The following MCTP2 variants were observed in gnomAD, a reference collection of about 807,000 sequenced individuals.
MCTP2 encodes multiple C2 and transmembrane domain-containing protein 2.
A neutral mutation model predicts 111.6 loss-of-function variants in MCTP2; 132 were observed. The ratio of observed to expected loss-of-function variants is 1.18; its 90% CI spans 1.03 to 1.37. The LOEUF is 1.37. Ranked by LOEUF, MCTP2 falls within the 40% of genes most tolerant of loss-of-function variation. The pLI, the probability that MCTP2 is intolerant of heterozygous loss-of-function variation, is 0.00. For missense variants in MCTP2, 1,183 were observed against 1,067.9 expected (o/e 1.11, Z -1.50); for synonymous variants, 395 against 387.7 (o/e 1.02, Z -0.22).
At chr15:94,245,697 AAT>A (rs1270146336) in intron 1 of MCTP2, among the ~76,000 whole-genome samples, 129 of 143,704 alleles carry the variant, frequency 9.0e-4, no homozygotes, top group East Asian at 1.2e-3. Context: ...TACATATATA[AAT>A]ATATGTGTGT....
At chr15:94,309,191 T>C (rs1482371169) in intron 2 of MCTP2, among the ~76,000 whole-genome samples, 2 of 152,240 alleles carry the variant, frequency 1.3e-5, no homozygotes, top group African/African-American at 4.8e-5. Flanking sequence ...TATCACTGTG[T>C]CCAGTTGCTG....
intron 1 of MCTP2, among the ~76,000 whole-genome samples, chr15:94,243,160 T>G (rs1014336288): frequency 4.1e-5 from 6 of 148,130 alleles, no homozygotes; most frequent in African/African-American, 1.5e-4. Flanking sequence ...TACGTGTGTG[T>G]ATATACATAC....
At chr15:94,385,780 T>C (rs2080431456) in intron 14 of MCTP2, among the ~76,000 whole-genome samples, 1 of 152,250 alleles carries the variant, frequency 6.6e-6, no homozygotes, top group South Asian at 2.1e-4. Context: ...TCAATTCATT[T>C]TCAGTCTTCC....
chr15:94,410,915 T>G (rs3784645), intron 17 of MCTP2, among the ~76,000 whole-genome samples: 1 of 152,080 alleles, frequency 6.6e-6, no homozygotes, highest in Non-Finnish European at 1.5e-5. Flanking sequence ...TTCTTGTCTG[T>G]TATGCATTTT....
intron 4 of MCTP2, among the ~76,000 whole-genome samples, chr15:94,319,095 C>T (rs866442424): frequency 2.0e-5 from 3 of 151,140 alleles, no homozygotes; most frequent in Admixed American, 6.6e-5. Flanking sequence ...AAGAAAATAC[C>T]CCACTCTTTC....
In MCTP2 at chr15:94,406,004, G is replaced by A. The variant is rs1050007972; in HGVS notation, c.2085+3985G>A. On this transcript the variant is annotated intron_variant, in intron 17 of 22. Coordinates refer to ENST00000357742, the MANE Select transcript of MCTP2 (RefSeq NM_001385001.1). ...TAGAACTGAAATATTTTGCCTTGAA[G>A]TAAGTGCACCTGTATATTTCCCTAT... Among the ~76,000 whole-genome samples, 4 of 152,134 alleles carry A rather than the reference G, an allele frequency of 2.6e-5. No individual in the cohort carries two copies. In the East Asian group the frequency reaches 5.8e-4, roughly 22 times the overall value.
At chr15:94,379,245 C>G (rs1364869124) in intron 12 of MCTP2, among the ~76,000 whole-genome samples, 1 of 151,746 alleles carries the variant, frequency 6.6e-6, no homozygotes, top group Non-Finnish European at 1.5e-5. Flanking sequence ...ACCAACCTTG[C>G]TGAAGAGTTG....
At chr15:94,342,620 A>ATG (rs1325114873) in intron 7 of MCTP2, 6 of 133,210 alleles carry the variant, frequency 4.5e-5, no homozygotes, top group African/African-American at 5.6e-5. Flanking sequence ...ATATTTATAT[A>ATG]TACACAAATA....
At chr15:94,243,558 TGC>T (rs2071304825) in intron 1 of MCTP2, among the ~76,000 whole-genome samples, 4 of 148,740 alleles carry the variant, frequency 2.7e-5, no homozygotes, top group African/African-American at 1.0e-4. Flanking sequence ...TATGCGTATA[TGC>T]GTATGTACAT....
intron 4 of MCTP2, among the ~76,000 whole-genome samples, chr15:94,322,643 A>G (rs560761301): frequency 6.6e-6 from 1 of 152,294 alleles, no homozygotes; most frequent in Admixed American, 6.5e-5. Context: ...GCTTTGAAAA[A>G]CTGCTTTAAA....
intron 17 of MCTP2, among the ~76,000 whole-genome samples, chr15:94,409,173 G>A (rs1014130261): frequency 5.9e-5 from 9 of 152,146 alleles, no homozygotes; most frequent in African/African-American, 2.2e-4. Flanking sequence ...AGCTGCCAGT[G>A]CAACTAGAAT....
At chr15:94,314,653 T>TAGCC (rs2076300571) in intron 3 of MCTP2, 1 of 538,688 alleles carries the variant, frequency 1.9e-6, no homozygotes. Context: ...AAGGGTGGCT[T>TAGCC]AGCCACAGGA....
At chr15:94,355,985 G>T in intron 8 of MCTP2, 152 bp from the exon 9 acceptor site, 1 of 1,313,572 alleles carries the variant, frequency 7.6e-7, no homozygotes. Flanking sequence ...TGTGACAGCA[G>T]GTTTGCAAAA....
chr15:94,243,810 C>CAT (rs1293312287), intron 1 of MCTP2, among the ~76,000 whole-genome samples: 1 of 145,044 alleles, frequency 6.9e-6, no homozygotes, highest in Non-Finnish European at 1.5e-5. Flanking sequence ...TGCGTATATA[C>CAT]ATATATGTAT....
At chr15:94,266,463 G>C (rs2073540567) in intron 1 of MCTP2, among the ~76,000 whole-genome samples, 1 of 151,544 alleles carries the variant, frequency 6.6e-6, no homozygotes, top group South Asian at 2.1e-4. Context: ...CAAATTCTTG[G>C]CTCAATAAAT....
chr15:94,461,142 A>T (rs182307610), intron 20 of MCTP2, among the ~76,000 whole-genome samples: 2 of 152,186 alleles, frequency 1.3e-5, no homozygotes, highest in Non-Finnish European at 2.9e-5. Flanking sequence ...GTATGTATAT[A>T]TGAAGCCAAA....
rs151208920 is a variant in MCTP2, at chr15:94,300,037, A to C, written c.465+1307A>C. Among the ~76,000 whole-genome samples, 181 of 152,340 alleles carry C rather than the reference A, an allele frequency of 1.2e-3. 2 individuals are homozygous for C. Among genetic ancestry groups the C allele is most frequent in the African/African-American group, 4.1e-3 (172 of 41,582 alleles). On this transcript the variant is annotated intron_variant, in intron 2 of 22. Transcript: ENST00000357742. ...TTTAAACAAAATGCAAATGAAGTAG[A>C]TTATTAAATCAGGTCAGTATAAGGA...
intron 17 of MCTP2, among the ~76,000 whole-genome samples, chr15:94,420,529 T>C (rs1241482602): frequency 6.6e-6 from 1 of 152,124 alleles, no homozygotes; most frequent in Non-Finnish European, 1.5e-5. Context: ...ATATCAACAT[T>C]AACACGAGTT....
chr15:94,449,507 T>A (rs1013523664), intron 19 of MCTP2, among the ~76,000 whole-genome samples: 1 of 152,246 alleles, frequency 6.6e-6, no homozygotes, highest in Non-Finnish European at 1.5e-5. Context: ...TTTTTCTGCA[T>A]TATTTTGCCA....
Sources: allele counts gnomAD v4.1 joint callset (sites outside exome capture counted in the v4.1 genomes callset), GRCh38; gene constraint gnomAD v4.1.1; transcripts MANE v1.5; gene names NCBI Gene and HGNC (gene_info 2026-07-23, HGNC 2026-07-21).